OTUD7B: variants seen among roughly 807,000 people sequenced by gnomAD.
OTUD7B encodes OTU deubiquitinase 7B.
OTUD7B carries 34 observed loss-of-function variants against 82.2 expected under a neutral mutation model. That is an observed-to-expected ratio of 0.41 (90% confidence interval 0.31 to 0.55). The LOEUF (loss-of-function observed/expected upper bound fraction) is 0.55. Ranked by LOEUF, OTUD7B falls within the 20% of genes least tolerant of loss-of-function variation. The pLI is 0.20. For synonymous variants in OTUD7B, 398 were observed against 402.7 expected (o/e 0.99, Z 0.14); for missense variants, 944 against 1,062.1 (o/e 0.89, Z 1.55).
intron 7 of OTUD7B, among the ~76,000 whole-genome samples, chr1:149,957,924 T>G (rs1278940861): frequency 6.6e-6 from 1 of 152,196 alleles, no homozygotes; most frequent in South Asian, 2.1e-4. Flanking sequence ...ATTTTCCAGG[T>G]ACCGTCTGTC....
At chr1:149,957,980 T>G (rs1029092432) in intron 7 of OTUD7B, among the ~76,000 whole-genome samples, 47 of 152,234 alleles carry the variant, frequency 3.1e-4, no homozygotes, top group African/African-American at 1.1e-3. Flanking sequence ...CTCCTTGTGC[T>G]TCCCAGGTGA....
chr1:150,009,400 C>T (rs1233952263), intron 1 of OTUD7B, among the ~76,000 whole-genome samples: 1 of 152,120 alleles, frequency 6.6e-6, no homozygotes, highest in Non-Finnish European at 1.5e-5. Context: ...GGGATCCAGC[C>T]TCCTCAAAAA....
chr1:150,024,367 A>G, the OTUD7B span, among the ~76,000 whole-genome samples: 7,073 of 152,236 alleles, frequency 0.046, 574 homozygotes, highest in African/African-American at 0.16. Flanking sequence ...GATCTCACAG[A>G]CTTATGAGGG....
intron 1 of OTUD7B, among the ~76,000 whole-genome samples, chr1:150,000,526 G>C (rs1652209331): frequency 6.6e-6 from 1 of 151,502 alleles, no homozygotes; most frequent in Non-Finnish European, 1.5e-5. Flanking sequence ...AAGTGGGGAG[G>C]GCAATGGAGA....
intron 1 of OTUD7B, among the ~76,000 whole-genome samples, chr1:149,979,079 T>C (rs1308125575): frequency 6.6e-6 from 1 of 151,856 alleles, no homozygotes; most frequent in Non-Finnish European, 1.5e-5. Context: ...CCTGTTCTAA[T>C]AGTACAAGAG....
the OTUD7B span, among the ~76,000 whole-genome samples, chr1:150,020,872 C>CT: frequency 6.6e-6 from 1 of 152,156 alleles, no homozygotes; most frequent in Admixed American, 6.5e-5. Flanking sequence ...ACAACTGACA[C>CT]TTGTTGATTG....
chr1:150,026,621 A>G, the OTUD7B span, among the ~76,000 whole-genome samples: 1 of 152,166 alleles, frequency 6.6e-6, no homozygotes, highest in Non-Finnish European at 1.5e-5. Context: ...GGGATTTTCT[A>G]ACTGAATTTT....
Position 149,944,412 on chromosome 1 carries a change from AC to A in OTUD7B, c.1976del (p.Gly659ValfsTer169). 1 of 1,613,674 alleles carries A rather than the reference AC, an allele frequency of 6.2e-7. No homozygotes were observed. Among genetic ancestry groups the A allele is most frequent in the Non-Finnish European group, 8.5e-7 (1 of 1,179,892 alleles). On this transcript the variant is annotated frameshift_variant, in exon 12 of 12. Coordinates refer to ENST00000581312, the MANE Select transcript of OTUD7B (RefSeq NM_020205.4). LOFTEE classifies it high-confidence loss of function. Reference sequence around the variant, plus strand: ...CTGGCTTTTTGGCTGGAGGAGGGCCACCCCCTATTCCTCCATTCATGATCTT... The same window carrying A: ...CTGGCTTTTTGGCTGGAGGAGGGCCACCCCTATTCCTCCATTCATGATCTT... The part of the protein sequence containing the change: ...ERKIMNGGIG[G>X]GPPPAKKPEP...
At chr1:149,971,791 T>C (rs1354563250) in intron 2 of OTUD7B, among the ~76,000 whole-genome samples, 1 of 152,184 alleles carries the variant, frequency 6.6e-6, no homozygotes, top group Admixed American at 6.5e-5. Flanking sequence ...AATTTAAGAA[T>C]CACCATTCTA....
upstream of OTUD7B, among the ~76,000 whole-genome samples, chr1:150,012,254 T>A (rs1553787608): frequency 6.6e-6 from 1 of 152,096 alleles, no homozygotes; most frequent in African/African-American, 2.4e-5. Flanking sequence ...GGGTGGACGC[T>A]TGGGACTCTG....
chr1:149,970,640 A>T (rs979161930), intron 3 of OTUD7B, among the ~76,000 whole-genome samples: 3 of 152,152 alleles, frequency 2.0e-5, no homozygotes, highest in African/African-American at 7.2e-5. Flanking sequence ...TTTAGAGAAT[A>T]CTTATGTGCA....
intron 2 of OTUD7B, among the ~76,000 whole-genome samples, chr1:149,974,127 C>T (rs1650126128): frequency 6.6e-6 from 1 of 152,060 alleles, no homozygotes; most frequent in African/African-American, 2.4e-5. Flanking sequence ...TGCAGTGGTG[C>T]AATCTCGGCT....
chr1:150,013,999 CACAT>C (rs1452294292), upstream of OTUD7B, among the ~76,000 whole-genome samples: 2 of 128,146 alleles, frequency 1.6e-5, no homozygotes, highest in Admixed American at 7.7e-5. Context: ...CATATATACA[CACAT>C]ATATATACAC....
chr1:149,985,360 T>A (rs1437006912), intron 1 of OTUD7B, among the ~76,000 whole-genome samples: 5 of 151,696 alleles, frequency 3.3e-5, no homozygotes, highest in Non-Finnish European at 7.4e-5. Flanking sequence ...TGAGCCAGGA[T>A]CATGCGACTG....
intron 7 of OTUD7B, among the ~76,000 whole-genome samples, chr1:149,953,487 C>T (rs1490470587): frequency 6.6e-6 from 1 of 152,134 alleles, no homozygotes; most frequent in East Asian, 1.9e-4. Context: ...AGCGTGATGC[C>T]TCCAGCTTTG....
intron 1 of OTUD7B, among the ~76,000 whole-genome samples, chr1:150,001,100 G>A (rs1652253871): frequency 1.3e-5 from 2 of 152,152 alleles, no homozygotes. Context: ...AAAGAGGAAG[G>A]AGGAAAGGAT....
chr1:149,984,092 C>G (rs1163895696), intron 1 of OTUD7B, among the ~76,000 whole-genome samples: 3 of 152,178 alleles, frequency 2.0e-5, no homozygotes, highest in African/African-American at 7.2e-5. Context: ...AGCCACCTTG[C>G]TTTTATTGAA....
chr1:150,019,578 G>C, the OTUD7B span, among the ~76,000 whole-genome samples: 1 of 152,094 alleles, frequency 6.6e-6, no homozygotes, highest in Admixed American at 6.5e-5. Context: ...TTTTGGCCAG[G>C]TTGGCCTCGA....
the OTUD7B span, among the ~76,000 whole-genome samples, chr1:150,065,511 T>G: frequency 6.6e-6 from 1 of 152,248 alleles, no homozygotes; most frequent in Admixed American, 6.5e-5. Context: ...ATTTATTTTT[T>G]AAATTTAATG....
Sources: gnomAD v4.1 joint callset for allele counts (sites outside exome capture counted in the v4.1 genomes callset) on GRCh38, gnomAD v4.1.1 for gene constraint, MANE v1.5 for transcripts, NCBI Gene and HGNC (gene_info 2026-07-23, HGNC 2026-07-21) for gene names.